The following ABHD16A variants were observed in gnomAD, a reference collection of about 807,000 sequenced individuals.
The protein encoded by ABHD16A is abhydrolase domain containing 16A, phospholipase.
Under a neutral mutation model 89.8 loss-of-function variants are expected in ABHD16A, and 47 were observed. The ratio of observed to expected loss-of-function variants is 0.52; its 90% confidence interval spans 0.41 to 0.67. The LOEUF (loss-of-function observed/expected upper bound fraction) is 0.67. Among genes scored for constraint, ABHD16A ranks in the 30% least tolerant of loss-of-function variants. ABHD16A has a pLI of 0.00. For missense variants in ABHD16A, 580 were observed against 734.6 expected, an observed-to-expected ratio of 0.79 and a Z score of 2.43; for synonymous variants, 251 against 280.4, an observed-to-expected ratio of 0.90 and a Z score of 1.05.
At chr6:31,702,225 T>C in intron 1 of ABHD16A, 95 bp from the exon 2 acceptor site, 1 of 1,195,244 alleles carries the variant, frequency 8.4e-7, no homozygotes, top group South Asian at 1.3e-5. Flanking sequence ...CTGGTTCTAG[T>C]CTCGTTGACT....
At chr6:31,695,992 C>T (rs1804350919) in intron 5 of ABHD16A, among the ~76,000 whole-genome samples, 1 of 151,750 alleles carries the variant, frequency 6.6e-6, no homozygotes, top group Non-Finnish European at 1.5e-5. Flanking sequence ...GGTGAAACCC[C>T]GTCTCTACTA....
chr6:31,688,738 G>A lies in ABHD16A; in HGVS notation c.1235C>T (p.Ala412Val), dbSNP rs537802295. 189 of 1,613,010 alleles carry A rather than the reference G, an allele frequency of 1.2e-4. 1 individual carries two copies. Among genetic ancestry groups the A allele is most frequent in the South Asian group, 8.0e-4 (73 of 91,078 alleles). The part of the protein sequence containing the change: ...TVRQHLNLNN[A>V]EQLCRYQGPV... ...CGGCCCTCACCTGCACAGCTGCTCC[G>A]CGTTGTTTAGATTGAGATGCTGCCT... Residue 412 changes from alanine to valine, a missense_variant, in exon 14 of 20, where the codon GCG becomes GTG. Around this residue, in one of 2 missense-constraint regions of ABHD16A, gnomAD observed 415 missense variants for 568.8 expected, o/e 0.73. Coordinates refer to ENST00000395952, the MANE Select transcript of ABHD16A (RefSeq NM_021160.3). The surrounding 1 kb of genome is among the most constrained non-coding windows in gnomAD (Gnocchi z 4.9).
chr6:31,688,240 C>A lies in ABHD16A; in HGVS notation c.1307+9G>T. 1 of 1,613,942 alleles carries A rather than the reference C, an allele frequency of 6.2e-7. No homozygotes were observed. Among genetic ancestry groups the A allele is most frequent in the Non-Finnish European group, 8.5e-7 (1 of 1,179,858 alleles). ...GGGTTCCTGAGGGCCGAGATTCCCA[C>A]GCACTCACGTGGTGGTGATGATCTC... is the stretch of plus-strand genomic sequence containing the variant. On this transcript the variant is annotated intron_variant, in intron 15 of 19. Coordinates refer to ENST00000395952, the MANE Select transcript of ABHD16A (RefSeq NM_021160.3). The surrounding 1 kb of genome is among the most constrained non-coding windows in gnomAD (Gnocchi z 4.9).
intron 5 of ABHD16A, among the ~76,000 whole-genome samples, chr6:31,695,000 G>A (rs554816658): frequency 3.1e-4 from 47 of 152,142 alleles, no homozygotes; most frequent in Non-Finnish European, 3.4e-4. Context: ...TACAAATAAA[G>A]GTAATAATGC....
chr6:31,688,979 C>G lies in ABHD16A; in HGVS notation c.1186+36G>C, dbSNP rs751478666. 1 of 1,586,708 alleles carries G rather than the reference C, an allele frequency of 6.3e-7. No individual in the cohort carries two copies. Among genetic ancestry groups the G allele is most frequent in the Non-Finnish European group, 8.6e-7 (1 of 1,161,184 alleles). On this transcript the variant is annotated intron_variant, in intron 13 of 19. Transcript: ENST00000395952. The surrounding 1 kb of genome is among the most constrained non-coding windows in gnomAD (Gnocchi z 4.9). The stretch of plus-strand genomic sequence containing the variant: ...AACAGTTCCCAGTTCCAGCCCACCC[C>G]TTCCCAGGAAGGGCAGGCCTGGGAG...
chr6:31,689,030 T>A lies in ABHD16A; in HGVS notation c.1171A>T (p.Met391Leu), dbSNP rs780892882. ...CTGCACTCACTCCAGCTGTCTGGCA[T>A]GACCTTCAAGGCCAAGGGCACCAGG... is the stretch of plus-strand genomic sequence containing the variant. ...DDLVPLALKV[M>L]PDSWRGLVTR... The change falls in exon 13 of 20, where the codon ATG becomes TTG. Residue 391 changes from methionine (M) to leucine (L), a missense_variant. Coordinates refer to ENST00000395952, the MANE Select transcript of ABHD16A (RefSeq NM_021160.3). The A allele has an allele frequency of 6.2e-7, 1 of 1,613,786 alleles. No homozygotes were observed. The highest frequency in any genetic ancestry group is 1.1e-5 in the South Asian group (1 of 91,016).
intron 12 of ABHD16A, 59 bp downstream of exon 12, chr6:31,689,522 G>A (rs1002139009): frequency 2.8e-5 from 42 of 1,476,340 alleles, no homozygotes; most frequent in Non-Finnish European, 3.6e-5. Context: ...CACCTCTCCC[G>A]GGTGGGGCTG....
chr6:31,699,188 C>T (rs1201187889), intron 4 of ABHD16A, among the ~76,000 whole-genome samples: 4 of 151,702 alleles, frequency 2.6e-5, no homozygotes, highest in Non-Finnish European at 5.9e-5. Context: ...GGGTGGATCA[C>T]GAGGTCAGGA....
chr6:31,691,960 C>T (rs1340187969), intron 7 of ABHD16A, 42 bp from the exon 8 acceptor site: 1 of 1,490,506 alleles, frequency 6.7e-7, no homozygotes, highest in Non-Finnish European at 9.1e-7. Context: ...CCTGTTGAGG[C>T]CTGGGGACTG....
Position 31,688,440 on chromosome 6 carries a change from A to G in ABHD16A, c.1251-135T>C. 1.1e-6 allele frequency: 1 copy of G among 911,572 alleles called. No individual in the cohort carries two copies. Among genetic ancestry groups the G allele is most frequent in the Non-Finnish European group, 1.7e-6 (1 of 582,426 alleles). 56.5% of individuals were successfully genotyped at this position (911,572 alleles called of 1,614,324 possible). A position where few individuals can be genotyped will look rare whatever the true frequency, so the allele number is the denominator to read the frequency against. On this transcript the variant is annotated intron_variant, in intron 14 of 19. Coordinates refer to ENST00000395952, the MANE Select transcript of ABHD16A (RefSeq NM_021160.3). The surrounding 1 kb of genome is among the most constrained non-coding windows in gnomAD (Gnocchi z 4.9). ...CAGCCCTTGACCTAGCCCTTCACTCAGGGGTGAGAGGGGATTATTTAAGGG... is the reference window on the plus strand; with the variant it reads ...CAGCCCTTGACCTAGCCCTTCACTCGGGGGTGAGAGGGGATTATTTAAGGG...
chr6:31,702,758 G>A, intron 1 of ABHD16A: 1 of 1,513,774 alleles, frequency 6.6e-7, no homozygotes, highest in Non-Finnish European at 8.8e-7. Context: ...AAACAGAGCC[G>A]GGGGAGGCAT....
In ABHD16A at chr6:31,698,250, A is replaced by C. The variant is rs531069943; in HGVS notation, c.344-1217T>G. ...TATATGTTTCATAAAAGTATGTGCC[A>C]GAAAAAAAAAAAACCCACACCAAAT... On this transcript the variant is annotated intron_variant, in intron 4 of 19. Transcript: ENST00000395952. This position sits in a 1 kb window ranked among gnomAD's most constrained non-coding sequence, Gnocchi z 4.1. 6.7e-6 allele frequency among the ~76,000 whole-genome samples: 1 copy of C among 149,266 alleles called. No individual in the cohort carries two copies. The highest frequency in any genetic ancestry group is 1.5e-5 in the Non-Finnish European group (1 of 67,228).
rs777258870 is a variant in ABHD16A at position 31,703,249 on chromosome 6, G to A, written c.33C>T (p.Pro11=). The A allele has an allele frequency of 2.1e-6, 3 of 1,423,782 alleles. No homozygotes were observed. The highest frequency in any genetic ancestry group is 2.7e-5 in the Admixed American group (1 of 37,266). 88.2% of individuals were successfully genotyped at this position (1,423,782 alleles called of 1,614,324 possible). A position where few individuals can be genotyped will look rare whatever the true frequency, so the allele number is the denominator to read the frequency against. The change falls in exon 1 of 20, where the codon CCC becomes CCT. Residue 11 remains proline, a synonymous_variant. Transcript: ENST00000395952. ...TCTCCCGGTAGATTTTGTAGAGCCG[G>A]GGGCCTAGGACGCAGCTCAGCAGCT... MAKLLSCVLG[P]RLYKIYRERD...
intron 4 of ABHD16A, among the ~76,000 whole-genome samples, chr6:31,699,408 CAAAA>C (rs9281558): frequency 7.4e-5 from 4 of 54,264 alleles, no homozygotes; most frequent in African/African-American, 1.3e-4. Context: ...GACTCCGTCT[CAAAA>C]AAAAAAAAAA....
intron 3 of ABHD16A, 33 bp from the exon 4 acceptor site, chr6:31,701,061 T>A: frequency 6.4e-7 from 1 of 1,554,056 alleles, no homozygotes; most frequent in Non-Finnish European, 8.9e-7. Flanking sequence ...TGAGACCCTC[T>A]CCGCAATGTC....
chr6:31,687,353 T>G lies in ABHD16A; in HGVS notation c.1594-58A>C. On this transcript the variant is annotated intron_variant, in intron 19 of 19. Transcript: ENST00000395952. This position sits in a 1 kb window ranked among gnomAD's most constrained non-coding sequence, Gnocchi z 6.3. ...GAGCACTGTTGGGAGGGGCAGCCAC[T>G]GGACTCCCTCCCCACCCTCCACTTC... The G allele has an allele frequency of 6.3e-6, 10 of 1,594,804 alleles. No individual in the cohort carries two copies. The Middle Eastern group carries it at 5.1e-4, about 82-fold the overall frequency.
At chr6:31,703,032 A>G in intron 1 of ABHD16A, 118 bp downstream of exon 1, 1 of 1,365,238 alleles carries the variant, frequency 7.3e-7, no homozygotes, top group South Asian at 2.1e-5. Flanking sequence ...GATTTTGCGG[A>G]TAACTGGCTT....
At chr6:31,691,315 A>G (rs1387087441) in intron 9 of ABHD16A, 1 of 447,986 alleles carries the variant, frequency 2.2e-6, no homozygotes, top group Non-Finnish European at 4.0e-6. Flanking sequence ...TCATATATAT[A>G]TGAGAATTAA....
Position 31,693,563 on chromosome 6 carries a change from A to C in ABHD16A, c.430-131T>G. On this transcript the variant is annotated intron_variant, in intron 5 of 19. Coordinates refer to ENST00000395952, the MANE Select transcript of ABHD16A (RefSeq NM_021160.3). The surrounding 1 kb of genome is among the most constrained non-coding windows in gnomAD (Gnocchi z 5.0). ...ATGGGGAAACCAAGCGGAGGTCAAT[A>C]CCCTCCCAATTCTCAGATGGAAAAT... 1 of 789,368 alleles carries C rather than the reference A, an allele frequency of 1.3e-6. No individual in the cohort carries two copies. Among genetic ancestry groups the C allele is most frequent in the South Asian group, 1.6e-5 (1 of 63,274 alleles). The allele number at this position is 789,368 out of a possible 1,614,324, so 48.9% of individuals were successfully genotyped here.
Sources: allele counts gnomAD v4.1 joint callset (sites outside exome capture counted in the v4.1 genomes callset), GRCh38; gene constraint gnomAD v4.1.1; regional missense constraint gnomAD v4.1.1; non-coding constraint Gnocchi (gnomAD v3.1); transcripts MANE v1.5; gene names NCBI Gene and HGNC (gene_info 2026-07-23, HGNC 2026-07-21).